The following MCM6 variants were observed in gnomAD, a reference collection of about 807,000 sequenced individuals.
The protein encoded by MCM6 is DNA replication licensing factor MCM6.
A neutral mutation model predicts 94.3 loss-of-function variants in MCM6; 46 were observed. That is an observed-to-expected ratio of 0.49 (90% CI 0.39 to 0.62). MCM6 has a LOEUF of 0.62. MCM6 is among the 20% of genes least tolerant of loss of function. The pLI is 0.00. For missense variants in MCM6, 865 were observed against 1,017.9 expected (o/e 0.85, Z 2.04); for synonymous variants, 335 against 351.9 (o/e 0.95, Z 0.54).
At chr2:135,862,495 A>AG in intron 8 of MCM6, 112 bp downstream of exon 8, 1 of 1,130,430 alleles carries the variant, frequency 8.8e-7, no homozygotes, top group Non-Finnish European at 1.3e-6. Flanking sequence ...TATTCAACAT[A>AG]GTCATAATTT....
chr2:135,845,135 GA>G (rs1679646460), intron 15 of MCM6, among the ~76,000 whole-genome samples: 1 of 152,150 alleles, frequency 6.6e-6, no homozygotes, highest in Non-Finnish European at 1.5e-5. Flanking sequence ...AGTTTACTAA[GA>G]AGTAAAATTC....
At chr2:135,854,054 C>T (rs309178) in intron 11 of MCM6, among the ~76,000 whole-genome samples, 76,109 of 151,956 alleles carry the variant, frequency 0.5, 23,202 homozygotes, top group Non-Finnish European at 0.7. Flanking sequence ...CGGCAAAACT[C>T]GGTCTCTACA....
At position 135,848,086 on chromosome 2, in the gene MCM6, T is replaced by C. The variant is rs1018741030; in HGVS notation, c.2020A>G (p.Met674Val). ...CCACCAGCACCCTCATCTACCTCCATCTGGATCTCTTCCTCTTGATCTAGA... is the reference window on the plus strand; with the variant it reads ...CCACCAGCACCCTCATCTACCTCCACCTGGATCTCTTCCTCTTGATCTAGA... Reference protein sequence around the residue: ...VNLDQEEEIQMEVDEGAGGIN... With the variant: ...VNLDQEEEIQVEVDEGAGGIN... Residue 674 changes from methionine (M) to valine (V), a missense_variant, in exon 14 of 17, where the codon ATG becomes GTG. Around this residue, in one of 3 missense-constraint regions of MCM6, gnomAD observed 308 missense variants for 324.5 expected, o/e 0.95. Transcript: ENST00000264156. The C allele has an allele frequency of 6.2e-7, 1 of 1,612,218 alleles. No individual in the cohort carries two copies. The highest frequency in any genetic ancestry group is 1.3e-5 in the African/African-American group (1 of 75,022).
intron 14 of MCM6, among the ~76,000 whole-genome samples, 164 bp from the exon 15 acceptor site, chr2:135,846,556 T>A (rs1208106568): frequency 2.0e-5 from 3 of 152,050 alleles, no homozygotes; most frequent in African/African-American, 7.2e-5. Flanking sequence ...CTGCCCAGGC[T>A]GGTCTCGAAC....
intron 10 of MCM6, 128 bp from the exon 11 acceptor site, chr2:135,857,011 T>C: frequency 1.3e-6 from 1 of 770,280 alleles, no homozygotes; most frequent in Non-Finnish European, 2.0e-6. Flanking sequence ...CTTTTTCACA[T>C]AAACAGGAAC....
chr2:135,846,710 A>C (rs1406937490), intron 14 of MCM6, among the ~76,000 whole-genome samples: 3 of 152,088 alleles, frequency 2.0e-5, no homozygotes, highest in African/African-American at 7.2e-5. Context: ...AAAATGAAAA[A>C]CAAAATAAAC....
chr2:135,873,661 A>T, intron 1 of MCM6, among the ~76,000 whole-genome samples: 1 of 104,724 alleles, frequency 9.5e-6, no homozygotes, highest in East Asian at 2.3e-4. Flanking sequence ...GCAAAGCCCT[A>T]TAACAGAGGT....
At chr2:135,843,356 G>A (rs960123595) in intron 16 of MCM6, among the ~76,000 whole-genome samples, 1 of 152,198 alleles carries the variant, frequency 6.6e-6, no homozygotes, top group Non-Finnish European at 1.5e-5. Context: ...AAATGTGGAA[G>A]TCATCAGTAG....
chr2:135,867,350 G>A (rs976645702), intron 4 of MCM6, among the ~76,000 whole-genome samples: 1 of 151,864 alleles, frequency 6.6e-6, no homozygotes, highest in Non-Finnish European at 1.5e-5. Flanking sequence ...TGTCAAGAGT[G>A]TCCTTTATAC....
intron 6 of MCM6, 32 bp downstream of exon 6, chr2:135,866,100 A>C (rs756044397): frequency 3.8e-5 from 61 of 1,611,714 alleles, no homozygotes; most frequent in Non-Finnish European, 4.9e-5. Context: ...AGACTGTTTC[A>C]AAAACAAACA....
intron 13 of MCM6, among the ~76,000 whole-genome samples, chr2:135,850,325 G>A (rs1271246169): frequency 1.3e-5 from 2 of 151,764 alleles, no homozygotes; most frequent in African/African-American, 4.8e-5. Flanking sequence ...TTTTAGGTTC[G>A]GGGGTACACA....
chr2:135,854,529 CAAA>C (rs1181597035), intron 11 of MCM6, among the ~76,000 whole-genome samples: 2 of 49,958 alleles, frequency 4.0e-5, no homozygotes, highest in African/African-American at 1.6e-4. Flanking sequence ...GACTCCATCT[CAAA>C]AAAAAAAAAA....
At position 135,859,184 on chromosome 2, in the gene MCM6, C is replaced by T. The variant is rs182549; in HGVS notation, c.1362+117G>A. ...ACTGGGACAAAGGTGTGAGCCACCG[C>T]GCCCAGCTGAGAATGCTGTTTTTAA... On this transcript the variant is annotated intron_variant, in intron 9 of 16. Transcript: ENST00000264156. 0.53 allele frequency: 432,587 copies of T among 819,600 alleles called. 143,239 individuals carry two copies. The highest frequency in any genetic ancestry group is 0.67 in the Non-Finnish European group (360,721 of 536,232). The allele number at this position is 819,600 out of a possible 1,614,324, so 50.8% of individuals were successfully genotyped here.
intron 10 of MCM6, 75 bp downstream of exon 10, chr2:135,857,822 G>A (rs763513560): frequency 1.1e-5 from 13 of 1,214,448 alleles, no homozygotes; most frequent in South Asian, 7.4e-5. Context: ...ATTTTATCCA[G>A]GTGAACTTCT....
At chr2:135,854,829 C>T (rs913383084) in intron 11 of MCM6, among the ~76,000 whole-genome samples, 1 of 151,396 alleles carries the variant, frequency 6.6e-6, no homozygotes, top group Non-Finnish European at 1.5e-5. Flanking sequence ...GCCATGATCA[C>T]GCCACTGCAG....
chr2:135,847,883 A>G (rs1381628068), intron 14 of MCM6, among the ~76,000 whole-genome samples, 170 bp downstream of exon 14: 5 of 152,180 alleles, frequency 3.3e-5, no homozygotes, highest in African/African-American at 1.2e-4. Context: ...TTTTATATCA[A>G]CTATTTAATT....
chr2:135,840,832 A>G lies in MCM6; in HGVS notation c.*3T>C. ...TCAGCTCTGGTCAGTTACTTTCACT[A>G]TCTCAATCTTCGAGCAAGTAGTTAG... On this transcript the variant is annotated 3_prime_UTR_variant, in exon 17 of 17. Coordinates refer to ENST00000264156, the MANE Select transcript of MCM6 (RefSeq NM_005915.6). The G allele has an allele frequency of 6.3e-7, 1 of 1,599,154 alleles. No homozygotes were observed. The highest frequency in any genetic ancestry group is 8.6e-7 in the Non-Finnish European group (1 of 1,166,432).
chr2:135,844,506 C>G (rs763848427), intron 16 of MCM6, 39 bp downstream of exon 16: 19 of 1,416,662 alleles, frequency 1.3e-5, no homozygotes, highest in Non-Finnish European at 1.8e-5. Context: ...TGAACTCCCT[C>G]CCTCCCTGAT....
At chr2:135,850,400 C>CCA (rs1181099982) in intron 13 of MCM6, among the ~76,000 whole-genome samples, 1 of 5,882 alleles carries the variant, frequency 1.7e-4, no homozygotes, top group Non-Finnish European at 2.4e-3. Context: ...ATTTCATCAC[C>CCA]CACTCTATTT....
Sources: gnomAD v4.1 joint callset for allele counts (sites outside exome capture counted in the v4.1 genomes callset) on GRCh38, gnomAD v4.1.1 for gene constraint, gnomAD v4.1.1 regional missense constraint, MANE v1.5 for transcripts, NCBI Gene and HGNC (gene_info 2026-07-23, HGNC 2026-07-21) for gene names.